Variants in CACNA2D2 observed in about 807,000 individuals in gnomAD.
CACNA2D2 encodes voltage-dependent calcium channel subunit alpha-2/delta-2.
In CACNA2D2, 48 loss-of-function variants were observed where a neutral mutation model predicts 166.4. That is an observed-to-expected ratio of 0.29 (90% confidence interval 0.23 to 0.37). CACNA2D2 has a LOEUF of 0.37. CACNA2D2 is among the 10% of genes least tolerant of loss of function. The probability of loss-of-function intolerance (pLI) is 1.00; values close to 1 mark genes in which losing one functional copy is unlikely to be tolerated. For missense variants in CACNA2D2, 1,122 were observed against 1,433.0 expected, an observed-to-expected ratio of 0.78 and a Z score of 3.50; for synonymous variants, 561 against 573.7, an observed-to-expected ratio of 0.98 and a Z score of 0.32.
At position 50,372,957 on chromosome 3, in the gene CACNA2D2, C is replaced by T. The variant is rs1470702646; in HGVS notation, c.1984+1780G>A. 5 of 819,424 alleles carry T rather than the reference C, an allele frequency of 6.1e-6. No individual in the cohort carries two copies. In the East Asian group the frequency reaches 8.1e-5, roughly 13 times the overall value. The allele number at this position is 819,424 out of a possible 1,614,324, so 50.8% of individuals were successfully genotyped here. A position where few individuals can be genotyped will look rare whatever the true frequency, so the allele number is the denominator to read the frequency against. ...AGCCAAGGGGAAGCTGGGAGGGGGC[C>T]CTGGAGAGCAGGGGTTTGGCTGGTC... On this transcript the variant is annotated intron_variant, in intron 22 of 37. Transcript: ENST00000424201.
chr3:50,434,749 A>T (rs1708231730), intron 2 of CACNA2D2, among the ~76,000 whole-genome samples: 1 of 152,242 alleles, frequency 6.6e-6, no homozygotes, highest in African/African-American at 2.4e-5. Flanking sequence ...CCTGCCCCCG[A>T]CTAGCTCAAG....
intron 2 of CACNA2D2, among the ~76,000 whole-genome samples, chr3:50,441,301 T>C (rs1226769588): frequency 6.6e-6 from 1 of 152,186 alleles, no homozygotes; most frequent in Non-Finnish European, 1.5e-5. Flanking sequence ...GCCTCCCTGT[T>C]TTTAAAGTTA....
In CACNA2D2 at chr3:50,366,539, G is replaced by A. The variant is rs1406390964; in HGVS notation, c.2637+39C>T. 2 of 1,608,318 alleles carry A rather than the reference G, an allele frequency of 1.2e-6. No homozygotes were observed. The highest frequency in any genetic ancestry group is 2.7e-5 in the African/African-American group (2 of 74,808). On this transcript the variant is annotated intron_variant, in intron 30 of 37. Transcript: ENST00000424201. This position sits in a 1 kb window ranked among gnomAD's most constrained non-coding sequence, Gnocchi z 5.9. Reference sequence around the variant, plus strand: ...CTGGGACTAGGAAGTCTGGAAGTGGGGTAAGCTAGGGTCCAGGGTAGGTTC... The same window carrying A: ...CTGGGACTAGGAAGTCTGGAAGTGGAGTAAGCTAGGGTCCAGGGTAGGTTC...
intron 2 of CACNA2D2, among the ~76,000 whole-genome samples, chr3:50,465,749 G>C (rs1709801942): frequency 6.6e-6 from 1 of 152,190 alleles, no homozygotes; most frequent in Admixed American, 6.5e-5. Context: ...AAGGCATGCA[G>C]AGGAAACTGG....
intron 5 of CACNA2D2, among the ~76,000 whole-genome samples, chr3:50,385,695 CT>C (rs1371235441): frequency 1.1e-4 from 17 of 152,346 alleles, no homozygotes; most frequent in Admixed American, 1.0e-3. Flanking sequence ...CTGCCCACCC[CT>C]GGCACACCCT....
At chr3:50,418,617 T>C (rs1049847195) in intron 3 of CACNA2D2, among the ~76,000 whole-genome samples, 14 of 152,222 alleles carry the variant, frequency 9.2e-5, no homozygotes, top group Non-Finnish European at 1.3e-4. Flanking sequence ...GCAGGGCAGC[T>C]TGGGGGGCCA....
chr3:50,398,388 C>T (rs1193192814), intron 3 of CACNA2D2, among the ~76,000 whole-genome samples: 1 of 152,198 alleles, frequency 6.6e-6, no homozygotes, highest in Non-Finnish European at 1.5e-5. Context: ...CTCAGCGAAC[C>T]CTCTTCCATG....
intron 2 of CACNA2D2, among the ~76,000 whole-genome samples, chr3:50,437,199 C>T (rs1708391202): frequency 6.6e-6 from 1 of 152,178 alleles, no homozygotes. Context: ...ACTCGAGGAC[C>T]CACCACAGCA....
intron 3 of CACNA2D2, among the ~76,000 whole-genome samples, chr3:50,416,449 C>T (rs921594524): frequency 5.3e-5 from 8 of 152,196 alleles, no homozygotes; most frequent in South Asian, 2.1e-4. Context: ...TTTCTCCTTC[C>T]CAAACTGTTA....
intron 2 of CACNA2D2, among the ~76,000 whole-genome samples, chr3:50,452,438 C>T (rs760840522): frequency 3.9e-5 from 6 of 152,182 alleles, no homozygotes; most frequent in African/African-American, 7.2e-5. Flanking sequence ...GTTGTGCTGA[C>T]GAGAACCTCT....
intron 1 of CACNA2D2, among the ~76,000 whole-genome samples, chr3:50,489,226 CCA>C (rs1364079918): frequency 1.3e-5 from 2 of 152,188 alleles, no homozygotes; most frequent in East Asian, 3.9e-4. Flanking sequence ...AGGCTTTCTA[CCA>C]CACAGCAGGC....
chr3:50,439,410 TG>T (rs1451208319), intron 2 of CACNA2D2, among the ~76,000 whole-genome samples: 2 of 152,054 alleles, frequency 1.3e-5, no homozygotes, highest in African/African-American at 2.4e-5. Flanking sequence ...AGAAAGAAAA[TG>T]GAACAAGAAA....
chr3:50,413,953 C>T lies in CACNA2D2; in HGVS notation c.406-19785G>A, dbSNP rs1707153097. On this transcript the variant is annotated intron_variant, in intron 3 of 37. Coordinates refer to ENST00000424201, the MANE Select transcript of CACNA2D2 (RefSeq NM_006030.4). ...GAAACCCACCCCCCTAGTCAGTTTG[C>T]CATGCAGCCCCCTTGAAACCTGGGA... Among the ~76,000 whole-genome samples the T allele has an allele frequency of 4.0e-5, 6 of 150,166 alleles. 1 individual carries two copies. In the South Asian group the frequency reaches 1.3e-3, roughly 32 times the overall value.
At chr3:50,494,118 G>A (rs1249568445) in intron 1 of CACNA2D2, among the ~76,000 whole-genome samples, 3 of 152,118 alleles carry the variant, frequency 2.0e-5, no homozygotes, top group African/African-American at 4.8e-5. Flanking sequence ...GAGATACAAA[G>A]ACTCCCAGGG....
chr3:50,383,192 G>A (rs587702232), intron 6 of CACNA2D2, among the ~76,000 whole-genome samples: 3 of 152,274 alleles, frequency 2.0e-5, no homozygotes, highest in South Asian at 2.1e-4. Flanking sequence ...CGACTGGCTC[G>A]GGCAGGTGGC....
At chr3:50,371,761 G>C (rs1264374211) in intron 22 of CACNA2D2, among the ~76,000 whole-genome samples, 1 of 152,118 alleles carries the variant, frequency 6.6e-6, no homozygotes, top group African/African-American at 2.4e-5. Context: ...AGGGGTTGGG[G>C]GGAAGAGGAG....
chr3:50,377,748 C>A lies in CACNA2D2; in HGVS notation c.1535G>T (p.Gly512Val), dbSNP rs587623782. 1.1e-5 allele frequency: 17 copies of A among 1,613,182 alleles called. No homozygotes were observed. The South Asian group carries it at 1.4e-4, about 14-fold the overall frequency. ...TTTCCTCACCTTCTTTTCCCCAGGG[C>A]CATCCTGTGTCAGGTTGAAAACAGG... ...TLPVFNLTQD[G>V]PGEKKNQLIL... The change falls in exon 16 of 38, where the codon GGC (glycine) becomes GTC (valine). Residue 512 changes from glycine to valine, a missense_variant. Gly to Val is a moderately radical substitution (Grantham distance 109). Transcript: ENST00000424201.
chr3:50,409,847 A>G (rs1706908758), intron 3 of CACNA2D2, among the ~76,000 whole-genome samples: 1 of 152,168 alleles, frequency 6.6e-6, no homozygotes, highest in Admixed American at 6.5e-5. Context: ...GTGGCTGGGG[A>G]TGGACCCAGC....
intron 2 of CACNA2D2, among the ~76,000 whole-genome samples, chr3:50,452,823 C>A (rs1013339273): frequency 1.3e-5 from 2 of 152,172 alleles, no homozygotes; most frequent in African/African-American, 4.8e-5. Flanking sequence ...TACACCAAGG[C>A]CAGGCCAAGA....
Sources: gnomAD v4.1 joint callset for allele counts (sites outside exome capture counted in the v4.1 genomes callset) on GRCh38, gnomAD v4.1.1 for gene constraint, Gnocchi (gnomAD v3.1) non-coding constraint, MANE v1.5 for transcripts, NCBI Gene and HGNC (gene_info 2026-07-23, HGNC 2026-07-21) for gene names.